Variants in DPH6 observed in about 807,000 individuals in gnomAD.
The protein encoded by DPH6 is diphthine--ammonia ligase.
A neutral mutation model predicts 38.2 loss-of-function variants in DPH6; 33 were observed. The observed-to-expected ratio is 0.86, with a 90% CI of 0.65 to 1.15. The LOEUF (loss-of-function observed/expected upper bound fraction) is 1.15, where lower values mean the gene tolerates loss of function less well. Ranked by LOEUF, DPH6 falls within the 50% of genes most tolerant of loss-of-function variation. DPH6 has a pLI of 0.00. For synonymous variants in DPH6, 108 were observed against 103.0 expected (o/e 1.05, Z -0.30); for missense variants, 325 against 320.0 (o/e 1.02, Z -0.12).
chr15:35,237,755 T>G, intron 3 of DPH6: 2 of 1,611,878 alleles, frequency 1.2e-6, no homozygotes, highest in Non-Finnish European at 1.7e-6. Context: ...GCAACTCACA[T>G]ATCTTGACGG....
intron 3 of DPH6, among the ~76,000 whole-genome samples, chr15:35,245,232 C>CTTTTTTT (rs71123123): frequency 2.1e-4 from 17 of 81,382 alleles, no homozygotes; most frequent in South Asian, 1.1e-3. Context: ...ATTGTTCTTG[C>CTTTTTTT]TTTTTTTTTT....
chr15:35,238,040 G>A (rs1428355141), intron 3 of DPH6: 109 of 1,561,762 alleles, frequency 7.0e-5, no homozygotes, highest in Non-Finnish European at 9.4e-5. Context: ...AGAACCTGAA[G>A]ATGAGGGAGA....
chr15:35,344,635 T>G (rs187827582), intron 3 of DPH6, among the ~76,000 whole-genome samples: 1 of 151,920 alleles, frequency 6.6e-6, no homozygotes, highest in African/African-American at 2.4e-5. Flanking sequence ...GCATATGATA[T>G]AATACATTGT....
At chr15:35,539,559 C>A (rs2055221384) in intron 2 of DPH6, among the ~76,000 whole-genome samples, 1 of 151,878 alleles carries the variant, frequency 6.6e-6, no homozygotes, top group South Asian at 2.1e-4. Context: ...TTTATCTACC[C>A]ACAGAACACG....
chr15:35,165,778 T>C, the DPH6 span, among the ~76,000 whole-genome samples: 1 of 151,952 alleles, frequency 6.6e-6, no homozygotes, highest in Admixed American at 6.6e-5. Context: ...CGCCAGCTAA[T>C]CTTAGTATAT....
At chr15:35,164,516 C>T in the DPH6 span, among the ~76,000 whole-genome samples, 97 of 151,074 alleles carry the variant, frequency 6.4e-4, no homozygotes, top group African/African-American at 1.2e-3. Flanking sequence ...TTCTCCTTTA[C>T]GCAGTCAGCA....
At chr15:35,429,012 T>C (rs1033181435) in intron 5 of DPH6, among the ~76,000 whole-genome samples, 17 of 152,182 alleles carry the variant, frequency 1.1e-4, no homozygotes, top group Admixed American at 7.9e-4. Flanking sequence ...ATTATCATTT[T>C]AGTTTTCAGG....
chr15:35,482,929 T>C (rs529171316), intron 3 of DPH6, among the ~76,000 whole-genome samples: 3 of 151,958 alleles, frequency 2.0e-5, no homozygotes, highest in Non-Finnish European at 4.4e-5. Flanking sequence ...AAATCATACA[T>C]CTGATAAAAT....
chr15:35,190,318 C>G, the DPH6 span, among the ~76,000 whole-genome samples: 722 of 152,270 alleles, frequency 4.7e-3, 5 homozygotes, highest in African/African-American at 0.017. Context: ...TTCGGAAGAC[C>G]GGAGTTTTAT....
At chr15:35,536,259 T>C (rs1418054911) in intron 3 of DPH6, among the ~76,000 whole-genome samples, 1 of 152,066 alleles carries the variant, frequency 6.6e-6, no homozygotes, top group Non-Finnish European at 1.5e-5. Flanking sequence ...AGCCTAGTTA[T>C]ACAATCACTT....
intron 3 of DPH6, among the ~76,000 whole-genome samples, chr15:35,316,673 AT>A (rs1166041236): frequency 6.6e-6 from 1 of 152,214 alleles, no homozygotes; most frequent in African/African-American, 2.4e-5. Context: ...AGAGAAAAAA[AT>A]AAGACAGAAC....
At chr15:35,185,894 G>A in the DPH6 span, among the ~76,000 whole-genome samples, 15 of 149,372 alleles carry the variant, frequency 1.0e-4, no homozygotes, top group Non-Finnish European at 5.9e-5. Flanking sequence ...CACCACGCCC[G>A]GCTAATTTTT....
At chr15:35,444,931 C>T (rs893147037) in intron 5 of DPH6, among the ~76,000 whole-genome samples, 1 of 152,158 alleles carries the variant, frequency 6.6e-6, no homozygotes, top group African/African-American at 2.4e-5. Context: ...AGAGACAATA[C>T]TCATCAAGCA....
In DPH6 at chr15:35,506,468, T is replaced by TTTA. The variant is rs1314275880; in HGVS notation, c.312+31803_312+31805dup. On this transcript the variant is annotated intron_variant, in intron 3 of 8. Transcript: ENST00000256538. ...ACAAAGAAGAGTCTGAGTGCCAGCATTTAAGTGGACTACATTACCTGAGTT... is the reference window on the plus strand; with the variant it reads ...ACAAAGAAGAGTCTGAGTGCCAGCATTTATTAAGTGGACTACATTACCTGAGTT... 1.2e-4 allele frequency among the ~76,000 whole-genome samples: 18 copies of TTTA among 152,148 alleles called. 1 individual carries two copies. The highest frequency in any genetic ancestry group is 8.3e-4 in the South Asian group (4 of 4,832).
chr15:35,360,694 G>C (rs546291256), intron 3 of DPH6, among the ~76,000 whole-genome samples: 1 of 152,310 alleles, frequency 6.6e-6, no homozygotes, highest in East Asian at 1.9e-4. Flanking sequence ...TGGGGGCATA[G>C]ATGGGTGTAT....
chr15:35,350,004 G>C (rs1192324095), intron 3 of DPH6, among the ~76,000 whole-genome samples: 1 of 152,136 alleles, frequency 6.6e-6, no homozygotes, highest in Non-Finnish European at 1.5e-5. Flanking sequence ...TAAATTTTTT[G>C]CAAGAGTTTG....
chr15:35,427,020 A>AT (rs1335824037), intron 5 of DPH6, among the ~76,000 whole-genome samples: 2 of 127,920 alleles, frequency 1.6e-5, no homozygotes, highest in East Asian at 2.2e-4. Flanking sequence ...AAAAAAAAAG[A>AT]TAAAAAAAAA....
At chr15:35,356,592 G>C (rs997413660) in intron 3 of DPH6, among the ~76,000 whole-genome samples, 38 of 152,222 alleles carry the variant, frequency 2.5e-4, no homozygotes, top group African/African-American at 8.7e-4. Flanking sequence ...AGCCTGCAGA[G>C]CAGCGGATAT....
chr15:35,473,188 A>T (rs2054218647), intron 3 of DPH6, among the ~76,000 whole-genome samples: 1 of 152,210 alleles, frequency 6.6e-6, no homozygotes, highest in South Asian at 2.1e-4. Flanking sequence ...CCTAATTAAC[A>T]AATGCTATGG....
Sources: allele counts gnomAD v4.1 joint callset (sites outside exome capture counted in the v4.1 genomes callset), GRCh38; gene constraint gnomAD v4.1.1; transcripts MANE v1.5; gene names NCBI Gene and HGNC (gene_info 2026-07-23, HGNC 2026-07-21).